DYNC2H1: variants seen among roughly 807,000 people sequenced by gnomAD.
DYNC2H1 encodes the protein cytoplasmic dynein 2 heavy chain 1.
DYNC2H1 carries 410 observed loss-of-function variants against 570.0 expected under a neutral mutation model. The ratio of observed to expected loss-of-function variants is 0.72; its 90% CI spans 0.66 to 0.78. The LOEUF (loss-of-function observed/expected upper bound fraction) is 0.78, where lower values mean the gene tolerates loss of function less well. DYNC2H1 is among the 30% of genes least tolerant of loss of function. The pLI is 0.00. For synonymous variants in DYNC2H1, 1,688 were observed against 1,677.6 expected, an observed-to-expected ratio of 1.01 and a Z score of -0.15; for missense variants, 4,865 against 5,046.4, an observed-to-expected ratio of 0.96 and a Z score of 1.09.
At chr11:103,445,946 G>A (rs34645150) in intron 85 of DYNC2H1, among the ~76,000 whole-genome samples, 2 of 151,698 alleles carry the variant, frequency 1.3e-5, no homozygotes, top group South Asian at 2.1e-4. Context: ...GCCACCGTGC[G>A]CGGCCCTTGA....
intron 75 of DYNC2H1, among the ~76,000 whole-genome samples, chr11:103,298,028 G>T (rs559573603): frequency 1.8e-4 from 27 of 152,128 alleles, no homozygotes; most frequent in Admixed American, 4.6e-4. Context: ...CAACATAGCT[G>T]CTAAGTGCCT....
chr11:103,306,571 A>T (rs1278634430), intron 77 of DYNC2H1, among the ~76,000 whole-genome samples: 1 of 152,068 alleles, frequency 6.6e-6, no homozygotes, highest in Non-Finnish European at 1.5e-5. Context: ...GTTTTATATA[A>T]ACTTTACATT....
chr11:103,456,325 G>A lies in DYNC2H1; in HGVS notation c.12617G>A (p.Gly4206Asp), dbSNP rs1944786886. The change falls in exon 87 of 89, where the codon GGT (glycine) becomes GAT (aspartate). Residue 4206 changes from glycine (G) to aspartate (D), a missense_variant. Coordinates refer to ENST00000375735, the MANE Select transcript of DYNC2H1 (RefSeq NM_001377.3). Reference protein sequence around the residue: ...DSLKFVASWKGRLQEAKLQIK... With the variant: ...DSLKFVASWKDRLQEAKLQIK... ...CTTAAATTTGTAGCCTCATGGAAAG[G>A]TCGACTGCAAGAAGCAAAGCTACAA... 3 of 1,608,018 alleles carry A rather than the reference G, an allele frequency of 1.9e-6. No homozygotes were observed. The highest frequency in any genetic ancestry group is 2.5e-6 in the Non-Finnish European group (3 of 1,176,896).
rs1005909042 is a variant in DYNC2H1 at position 103,363,394 on chromosome 11, T to A, written c.12156+5035T>A. Among the ~76,000 whole-genome samples the A allele has an allele frequency of 6.6e-6, 1 of 152,166 alleles. No homozygotes were observed. Among genetic ancestry groups the A allele is most frequent in the East Asian group, 1.9e-4 (1 of 5,196 alleles). The stretch of plus-strand genomic sequence containing the variant: ...GTGTTATTTCAACTGAGAGAGAATG[T>A]TTATCCAGCCACTCTAAAGATTCTG... On this transcript the variant is annotated intron_variant, in intron 83 of 88. Coordinates refer to ENST00000375735, the MANE Select transcript of DYNC2H1 (RefSeq NM_001377.3). This position sits in a 1 kb window ranked among gnomAD's most constrained non-coding sequence, Gnocchi z 5.6.
intron 83 of DYNC2H1, among the ~76,000 whole-genome samples, chr11:103,398,741 A>AT (rs5794233): frequency 0.67 from 101,222 of 151,746 alleles, 35,563 homozygotes; most frequent in African/African-American, 0.91. Context: ...ATTGAAAGTG[A>AT]TTTTTTTTCT....
intron 36 of DYNC2H1, among the ~76,000 whole-genome samples, chr11:103,174,399 G>T (rs1435006086): frequency 3.9e-5 from 6 of 151,946 alleles, no homozygotes; most frequent in Non-Finnish European, 1.5e-5. Flanking sequence ...CTTTATTCAG[G>T]TTTTCTCCAG....
chr11:103,123,660 G>A (rs1446428232), intron 11 of DYNC2H1, among the ~76,000 whole-genome samples: 1 of 152,132 alleles, frequency 6.6e-6, no homozygotes, highest in East Asian at 1.9e-4. Flanking sequence ...CAGTGCTTTA[G>A]TCAACTAATT....
intron 84 of DYNC2H1, among the ~76,000 whole-genome samples, chr11:103,424,421 AC>A (rs1238748839): frequency 6.6e-6 from 1 of 152,176 alleles, no homozygotes; most frequent in Non-Finnish European, 1.5e-5. Context: ...ATAAGGTTAA[AC>A]ATATACTTAA....
rs1023426691 is a variant in DYNC2H1, at chr11:103,205,716, G to A, written c.8454+752G>A. Among the ~76,000 whole-genome samples, 1 of 152,124 alleles carries A rather than the reference G, an allele frequency of 6.6e-6. No individual in the cohort carries two copies. The highest frequency in any genetic ancestry group is 2.4e-5 in the African/African-American group (1 of 41,440). ...CCAGAGAGAAATCCCTGCCCTCATGGTGTTTACATTCTTCTCAGGTATATC... is the reference window on the plus strand; with the variant it reads ...CCAGAGAGAAATCCCTGCCCTCATGATGTTTACATTCTTCTCAGGTATATC... On this transcript the variant is annotated intron_variant, in intron 52 of 88. Coordinates refer to ENST00000375735, the MANE Select transcript of DYNC2H1 (RefSeq NM_001377.3). The surrounding 1 kb of genome is among the most constrained non-coding windows in gnomAD (Gnocchi z 4.5).
intron 1 of DYNC2H1, among the ~76,000 whole-genome samples, chr11:103,112,207 A>G (rs1029020686): frequency 6.6e-6 from 1 of 152,176 alleles, no homozygotes; most frequent in Admixed American, 6.5e-5. Flanking sequence ...GCTGGGTTTT[A>G]ACTTAGTTTC....
chr11:103,179,734 T>A, intron 39 of DYNC2H1, among the ~76,000 whole-genome samples: 1 of 151,668 alleles, frequency 6.6e-6, no homozygotes. Context: ...TACTTAATAT[T>A]TTTTTTCTTC....
intron 70 of DYNC2H1, among the ~76,000 whole-genome samples, chr11:103,269,983 C>G (rs1865639830): frequency 6.6e-6 from 1 of 151,842 alleles, no homozygotes; most frequent in Non-Finnish European, 1.5e-5. Flanking sequence ...CACCTGAGGT[C>G]AGGATTTGAG....
At chr11:103,420,004 A>G (rs1308250485) in intron 84 of DYNC2H1, among the ~76,000 whole-genome samples, 1 of 152,154 alleles carries the variant, frequency 6.6e-6, no homozygotes, top group Non-Finnish European at 1.5e-5. Context: ...AAGTATCAAT[A>G]GCAGAATAGA....
chr11:103,197,491 A>G (rs903927030), intron 47 of DYNC2H1, among the ~76,000 whole-genome samples: 1 of 152,110 alleles, frequency 6.6e-6, no homozygotes, highest in African/African-American at 2.4e-5. Flanking sequence ...TCTCTTGCCC[A>G]GGCTGGAGTG....
At chr11:103,118,928 A>C (rs527937167) in intron 6 of DYNC2H1, among the ~76,000 whole-genome samples, 20 of 152,316 alleles carry the variant, frequency 1.3e-4, no homozygotes, top group African/African-American at 4.8e-4. Flanking sequence ...CAACTTTTAA[A>C]AAATGCTTTT....
intron 43 of DYNC2H1, among the ~76,000 whole-genome samples, chr11:103,187,982 A>T (rs1413055980): frequency 6.6e-6 from 1 of 151,908 alleles, no homozygotes; most frequent in African/African-American, 2.4e-5. Flanking sequence ...TTAACCCATT[A>T]TTCTCCATTT....
At chr11:103,328,345 A>T (rs191246053) in intron 82 of DYNC2H1, among the ~76,000 whole-genome samples, 43 of 152,298 alleles carry the variant, frequency 2.8e-4, no homozygotes, top group South Asian at 1.2e-3. Context: ...TTTTCAAATT[A>T]TAAAGATGTA....
At chr11:103,418,194 A>T (rs1279573641) in intron 84 of DYNC2H1, among the ~76,000 whole-genome samples, 1 of 140,588 alleles carries the variant, frequency 7.1e-6, no homozygotes, top group Non-Finnish European at 1.5e-5. Flanking sequence ...AAGAAAAATA[A>T]ATACAAGTCA....
chr11:103,392,415 G>C (rs543431706), intron 83 of DYNC2H1, among the ~76,000 whole-genome samples: 1 of 152,350 alleles, frequency 6.6e-6, no homozygotes, highest in South Asian at 2.1e-4. Flanking sequence ...TCCTTGGCTA[G>C]GAAAGGGAAT....
Sources: gnomAD v4.1 joint callset for allele counts (sites outside exome capture counted in the v4.1 genomes callset) on GRCh38, gnomAD v4.1.1 for gene constraint, Gnocchi (gnomAD v3.1) non-coding constraint, MANE v1.5 for transcripts, NCBI Gene and HGNC (gene_info 2026-07-23, HGNC 2026-07-21) for gene names.